Variants in BABAM2 observed in about 807,000 individuals in gnomAD.
BABAM2 encodes the protein BRISC and BRCA1 A complex member 2, also known as BRISC and BRCA1-A complex member 2.
A neutral mutation model predicts 54.7 loss-of-function variants in BABAM2; 31 were observed. The observed-to-expected ratio is 0.57, with a 90% CI of 0.43 to 0.77. The LOEUF (loss-of-function observed/expected upper bound fraction) is 0.77. Among genes scored for constraint, BABAM2 ranks in the 30% least tolerant of loss-of-function variants. BABAM2 has a pLI of 0.00. For missense variants in BABAM2, 364 were observed against 455.8 expected (o/e 0.80, Z 1.83); for synonymous variants, 167 against 162.9 (o/e 1.03, Z -0.19).
At chr2:28,320,343 G>A (rs537480278) in intron 11 of BABAM2, among the ~76,000 whole-genome samples, 3 of 152,346 alleles carry the variant, frequency 2.0e-5, no homozygotes, top group South Asian at 2.1e-4. Flanking sequence ...CTAAGGAAAA[G>A]TTAGAGTCCT....
chr2:28,116,877 A>G (rs1317954596), intron 6 of BABAM2, among the ~76,000 whole-genome samples: 2 of 152,192 alleles, frequency 1.3e-5, no homozygotes, highest in African/African-American at 4.8e-5. Context: ...AAAGCATGTG[A>G]TCTCTTTGAC....
At chr2:27,934,519 C>G (rs1464555098) in intron 3 of BABAM2, among the ~76,000 whole-genome samples, 1 of 152,150 alleles carries the variant, frequency 6.6e-6, no homozygotes, top group East Asian at 1.9e-4. Flanking sequence ...TCTAAGTGTT[C>G]AAGTGAAGAG....
At chr2:28,178,607 C>T (rs1189865265) in intron 7 of BABAM2, among the ~76,000 whole-genome samples, 1 of 150,768 alleles carries the variant, frequency 6.6e-6, no homozygotes, top group African/African-American at 2.4e-5. Flanking sequence ...AAAGCAAGAA[C>T]AAACCAAACC....
chr2:28,073,332 A>C (rs1452868798), intron 6 of BABAM2, among the ~76,000 whole-genome samples: 1 of 151,798 alleles, frequency 6.6e-6, no homozygotes, highest in Non-Finnish European at 1.5e-5. Context: ...TTGTCTTTAC[A>C]AAAAAAATTA....
chr2:28,157,456 A>G (rs1462155291), intron 7 of BABAM2, among the ~76,000 whole-genome samples: 1 of 152,258 alleles, frequency 6.6e-6, no homozygotes. Context: ...GATTCAAGGT[A>G]GACAGGCTGC....
At chr2:28,335,154 CTTT>C (rs56135926) in intron 11 of BABAM2, among the ~76,000 whole-genome samples, 8 of 71,520 alleles carry the variant, frequency 1.1e-4, no homozygotes, top group Admixed American at 5.1e-4. Context: ...CTCCCACCTT[CTTT>C]TTTTTTTTTT....
rs1294456808 is a variant in BABAM2 at position 28,104,796 on chromosome 2, CCA to C, written c.571-24474_571-24473del. ...AAAGACTTGGAACCAACCCAAATGT[CCA>C]TCAATGATAGACTGGATTAAGAAAA... is the stretch of plus-strand genomic sequence containing the variant. On this transcript the variant is annotated intron_variant, in intron 6 of 11. Coordinates refer to ENST00000379624, the MANE Select transcript of BABAM2 (RefSeq NM_199191.3). Among the ~76,000 whole-genome samples the C allele has an allele frequency of 6.6e-5, 10 of 152,150 alleles. 1 individual carries two copies. The highest frequency in any genetic ancestry group is 7.2e-5 in the African/African-American group (3 of 41,428).
chr2:28,187,810 A>G (rs1256988914), intron 7 of BABAM2, among the ~76,000 whole-genome samples: 1 of 151,840 alleles, frequency 6.6e-6, no homozygotes, highest in Non-Finnish European at 1.5e-5. Context: ...CTGGGATTAC[A>G]GGGTCACACC....
intron 3 of BABAM2, among the ~76,000 whole-genome samples, chr2:27,985,303 C>T (rs1410513616): frequency 6.6e-6 from 1 of 152,162 alleles, no homozygotes; most frequent in African/African-American, 2.4e-5. Context: ...AATCTCCACA[C>T]TGTTTTCCAT....
chr2:27,917,189 T>C (rs1377675575), intron 2 of BABAM2, among the ~76,000 whole-genome samples: 2 of 151,974 alleles, frequency 1.3e-5, no homozygotes, highest in African/African-American at 2.4e-5. Context: ...AGCTAATTTT[T>C]GTATTTTTAG....
At chr2:27,935,753 G>A (rs1443060282) in intron 3 of BABAM2, among the ~76,000 whole-genome samples, 1 of 152,156 alleles carries the variant, frequency 6.6e-6, no homozygotes, top group African/African-American at 2.4e-5. Context: ...TTAAGAAATT[G>A]CCATAGCCAT....
intron 2 of BABAM2, among the ~76,000 whole-genome samples, chr2:27,906,130 G>T (rs1250836323): frequency 6.6e-6 from 1 of 152,218 alleles, no homozygotes; most frequent in East Asian, 1.9e-4. Flanking sequence ...CTCTGCTAGT[G>T]TGGGCAGTGT....
intron 10 of BABAM2, among the ~76,000 whole-genome samples, chr2:28,293,552 A>G (rs1171309724): frequency 6.6e-6 from 1 of 152,194 alleles, no homozygotes; most frequent in African/African-American, 2.4e-5. Flanking sequence ...CGCGGAACCC[A>G]TCACTGCAGT....
intron 7 of BABAM2, among the ~76,000 whole-genome samples, chr2:28,195,485 A>G (rs921651605): frequency 1.3e-5 from 2 of 152,206 alleles, no homozygotes; most frequent in African/African-American, 4.8e-5. Flanking sequence ...AGAATTCTAA[A>G]GTTTAAAGGA....
At position 28,086,785 on chromosome 2, in the gene BABAM2, C is replaced by T. The variant is rs80008882; in HGVS notation, c.570+40986C>T. 8.4e-3 allele frequency among the ~76,000 whole-genome samples: 1,275 copies of T among 152,274 alleles called. 13 individuals are homozygous for T. Among genetic ancestry groups the T allele is most frequent in the African/African-American group, 0.029 (1,190 of 41,542 alleles). ...TAAGCACGACAGTGCTCTTAAAAAT[C>T]GCCAGCACATCTTCTGTTTCTAATT... is the stretch of plus-strand genomic sequence containing the variant. On this transcript the variant is annotated intron_variant, in intron 6 of 11. Coordinates refer to ENST00000379624, the MANE Select transcript of BABAM2 (RefSeq NM_199191.3).
At chr2:28,159,139 T>C (rs1226978308) in intron 7 of BABAM2, among the ~76,000 whole-genome samples, 1 of 152,244 alleles carries the variant, frequency 6.6e-6, no homozygotes, top group African/African-American at 2.4e-5. Flanking sequence ...GTGTAATATG[T>C]CATTATTCAT....
chr2:28,040,538 G>T (rs1677017182), intron 5 of BABAM2, among the ~76,000 whole-genome samples: 1 of 151,794 alleles, frequency 6.6e-6, no homozygotes, highest in South Asian at 2.1e-4. Context: ...CTGACCTCGT[G>T]ATCCGCCCGC....
intron 6 of BABAM2, among the ~76,000 whole-genome samples, chr2:28,107,710 A>C (rs1401204080): frequency 6.6e-6 from 1 of 152,198 alleles, no homozygotes; most frequent in Non-Finnish European, 1.5e-5. Flanking sequence ...CTCTTATCAT[A>C]TGCCTTTATT....
chr2:27,939,339 CA>C (rs1214806039), intron 3 of BABAM2, among the ~76,000 whole-genome samples: 1 of 152,086 alleles, frequency 6.6e-6, no homozygotes, highest in Non-Finnish European at 1.5e-5. Flanking sequence ...AACTTAAGCT[CA>C]ATAAAGTTAG....
Sources: allele counts gnomAD v4.1 joint callset (sites outside exome capture counted in the v4.1 genomes callset), GRCh38; gene constraint gnomAD v4.1.1; transcripts MANE v1.5; gene names NCBI Gene and HGNC (gene_info 2026-07-23, HGNC 2026-07-21).